Variants in SORCS1 observed in about 807,000 individuals in gnomAD.
SORCS1 encodes VPS10 domain-containing receptor SorCS1.
In SORCS1, 60 loss-of-function variants were observed where a neutral mutation model predicts 146.1. That is an observed-to-expected ratio of 0.41 (90% CI 0.33 to 0.51). SORCS1 has a LOEUF of 0.51. Ranked by LOEUF, SORCS1 falls within the 20% of genes least tolerant of loss-of-function variation. The pLI, the probability that SORCS1 is intolerant of heterozygous loss-of-function variation, is 0.21. For missense variants in SORCS1, 1,352 were observed against 1,487.6 expected (o/e 0.91, Z 1.50); for synonymous variants, 637 against 584.0 (o/e 1.09, Z -1.31).
intron 2 of SORCS1, among the ~76,000 whole-genome samples, chr10:106,936,122 T>G (rs1953700801): frequency 6.6e-6 from 1 of 152,200 alleles, no homozygotes; most frequent in Non-Finnish European, 1.5e-5. Flanking sequence ...GACTAATTGC[T>G]GAAAATCTCA....
At chr10:107,028,975 T>A (rs1202169024) in intron 1 of SORCS1, among the ~76,000 whole-genome samples, 3 of 152,198 alleles carry the variant, frequency 2.0e-5, no homozygotes, top group Admixed American at 1.3e-4. Flanking sequence ...GGTTTGTGAT[T>A]ATAGGAAAGG....
At chr10:107,178,281 G>A in the SORCS1 span, among the ~76,000 whole-genome samples, 4 of 151,868 alleles carry the variant, frequency 2.6e-5, no homozygotes, top group Admixed American at 6.6e-5. Context: ...AACCAACCTC[G>A]CTTCATGCCT....
chr10:107,065,291 CCTAA>C lies in SORCS1; in HGVS notation c.558+98674_558+98677del, dbSNP rs199773362. On this transcript the variant is annotated intron_variant, in intron 1 of 25. Transcript: ENST00000263054. The stretch of plus-strand genomic sequence containing the variant: ...GCGAGCTTTGCACACACTCGGTATC[CCTAA>C]CTAATGTTTTGGCTCAGCCATGAGA... Among the ~76,000 whole-genome samples the C allele has an allele frequency of 5.7e-3, 869 of 152,240 alleles. 5 individuals are homozygous for C. Among genetic ancestry groups the C allele is most frequent in the African/African-American group, 0.02 (825 of 41,514 alleles).
rs569063622 is a variant in SORCS1 at position 106,876,016 on chromosome 10, G to A, written c.627-46343C>T. The stretch of plus-strand genomic sequence containing the variant: ...AAATATAGTCATTTATAATTATTTT[G>A]ATTTATAAATCAAAATAATTTCTAT... On this transcript the variant is annotated intron_variant, in intron 2 of 25. Transcript: ENST00000263054. Among the ~76,000 whole-genome samples, 17 of 151,920 alleles carry A rather than the reference G, an allele frequency of 1.1e-4. No homozygotes were observed. In the South Asian group the frequency reaches 3.1e-3, roughly 28 times the overall value.
chr10:106,915,090 T>G (rs1952349902), intron 2 of SORCS1, among the ~76,000 whole-genome samples: 1 of 152,206 alleles, frequency 6.6e-6, no homozygotes, highest in African/African-American at 2.4e-5. Context: ...GTTCCAGACC[T>G]GCATTTGGTA....
rs150175740 is a variant in SORCS1 at position 107,034,445 on chromosome 10, C to T, written c.559-77865G>A. 3.2e-3 allele frequency among the ~76,000 whole-genome samples: 482 copies of T among 151,640 alleles called. 9 individuals are homozygous for T. Among genetic ancestry groups the T allele is most frequent in the East Asian group, 0.029 (148 of 5,152 alleles). ...CTGTAATCCCAACACTTTGGGAGAC[C>T]GAGGCGGGCAGATCACCTGAGGCCA... On this transcript the variant is annotated intron_variant, in intron 1 of 25. Coordinates refer to ENST00000263054, the MANE Select transcript of SORCS1 (RefSeq NM_052918.5).
intron 3 of SORCS1, among the ~76,000 whole-genome samples, chr10:106,786,128 C>T (rs1946044331): frequency 6.6e-6 from 1 of 152,122 alleles, no homozygotes; most frequent in African/African-American, 2.4e-5. Context: ...AGCATTAGAA[C>T]TGACATAGTA....
chr10:106,662,442 T>C (rs565725301), intron 17 of SORCS1, among the ~76,000 whole-genome samples: 1 of 152,314 alleles, frequency 6.6e-6, no homozygotes, highest in South Asian at 2.1e-4. Context: ...GTCTGTATCA[T>C]GAGCTATGCT....
intron 1 of SORCS1, among the ~76,000 whole-genome samples, chr10:107,147,282 T>C (rs1046139998): frequency 1.2e-4 from 19 of 152,330 alleles, no homozygotes; most frequent in Non-Finnish European, 2.4e-4. Context: ...CTTTGCAACA[T>C]GGGCGCTGGT....
In SORCS1 at chr10:106,798,606, A is replaced by T. The variant is rs149780783; in HGVS notation, c.727-21914T>A. 6.6e-5 allele frequency among the ~76,000 whole-genome samples: 10 copies of T among 152,318 alleles called. No individual in the cohort carries two copies. The East Asian group carries it at 1.4e-3, about 21-fold the overall frequency. On this transcript the variant is annotated intron_variant, in intron 3 of 25. Transcript: ENST00000263054. Reference sequence around the variant, plus strand: ...TCCAGCTTCACCCATGTCCCTACAAAGGATGTGATCTCACTCTTTTTTGTG... The same window carrying T: ...TCCAGCTTCACCCATGTCCCTACAATGGATGTGATCTCACTCTTTTTTGTG...
At chr10:106,974,299 C>T (rs1315136925) in intron 1 of SORCS1, among the ~76,000 whole-genome samples, 1 of 152,108 alleles carries the variant, frequency 6.6e-6, no homozygotes, top group Admixed American at 6.5e-5. Context: ...TGCAAAATGC[C>T]TAGTAGGGAG....
At chr10:106,874,514 G>C (rs1196503635) in intron 2 of SORCS1, among the ~76,000 whole-genome samples, 1 of 152,196 alleles carries the variant, frequency 6.6e-6, no homozygotes. Flanking sequence ...CTGCATTTTA[G>C]CATAAGAGAC....
rs188504955 is a variant in SORCS1 at position 106,887,694 on chromosome 10, A to C, written c.627-58021T>G. Among the ~76,000 whole-genome samples, 312 of 152,198 alleles carry C rather than the reference A, an allele frequency of 2.0e-3. 2 individuals are homozygous for C. The highest frequency in any genetic ancestry group is 7.3e-3 in the African/African-American group (304 of 41,522). On this transcript the variant is annotated intron_variant, in intron 2 of 25. Coordinates refer to ENST00000263054, the MANE Select transcript of SORCS1 (RefSeq NM_052918.5). Reference sequence around the variant, plus strand: ...AAGACAAATAATTAGCTTAAAACATACTCCTGCACTGACAGTTACAGAATC... The same window carrying C: ...AAGACAAATAATTAGCTTAAAACATCCTCCTGCACTGACAGTTACAGAATC...
chr10:106,732,401 G>A (rs528893638), intron 5 of SORCS1, among the ~76,000 whole-genome samples: 2 of 152,270 alleles, frequency 1.3e-5, no homozygotes, highest in South Asian at 4.2e-4. Flanking sequence ...AGCATTAACT[G>A]GATCCGCAGG....
chr10:106,834,655 AGT>A (rs1279411019), intron 2 of SORCS1, among the ~76,000 whole-genome samples: 1 of 152,222 alleles, frequency 6.6e-6, no homozygotes, highest in Admixed American at 6.5e-5. Context: ...CTAACCATAA[AGT>A]GACTACTGTT....
intron 2 of SORCS1, among the ~76,000 whole-genome samples, chr10:106,901,687 G>C (rs927835148): frequency 6.6e-6 from 1 of 152,126 alleles, no homozygotes; most frequent in Admixed American, 6.5e-5. Flanking sequence ...TGCTCACCTT[G>C]GCCTCTGAAA....
intron 6 of SORCS1, 53 bp downstream of exon 6, chr10:106,729,995 CAG>C (rs1856479196): frequency 6.5e-7 from 1 of 1,543,836 alleles, no homozygotes; most frequent in Admixed American, 1.7e-5. Context: ...CAGTTCATGA[CAG>C]AGTCATAGAA....
intron 3 of SORCS1, among the ~76,000 whole-genome samples, chr10:106,782,797 T>C (rs1161122148): frequency 6.6e-6 from 1 of 152,228 alleles, no homozygotes; most frequent in East Asian, 1.9e-4. Flanking sequence ...AAAGGAAATA[T>C]ATGTCCACGT....
intron 13 of SORCS1, among the ~76,000 whole-genome samples, chr10:106,676,135 T>C (rs1280350750): frequency 6.6e-6 from 1 of 152,180 alleles, no homozygotes; most frequent in African/African-American, 2.4e-5. Flanking sequence ...CTTTTTTCTC[T>C]CTTTTGCAGC....
Sources: gnomAD v4.1 joint callset for allele counts (sites outside exome capture counted in the v4.1 genomes callset) on GRCh38, gnomAD v4.1.1 for gene constraint, MANE v1.5 for transcripts, NCBI Gene and HGNC (gene_info 2026-07-23, HGNC 2026-07-21) for gene names.